ANKS1B: variants seen among roughly 807,000 people sequenced by gnomAD.
The protein encoded by ANKS1B is ankyrin repeat and sterile alpha motif domain-containing protein 1B.
In ANKS1B, 36 loss-of-function variants were observed where a neutral mutation model predicts 148.3. The ratio of observed to expected loss-of-function variants is 0.24; its 90% CI spans 0.19 to 0.32. ANKS1B has a LOEUF of 0.32. Among genes scored for constraint, ANKS1B ranks in the 10% least tolerant of loss-of-function variants. The probability of loss-of-function intolerance (pLI) is 1.00; values close to 1 mark genes in which losing one functional copy is unlikely to be tolerated. For missense variants in ANKS1B, 1,157 were observed against 1,542.6 expected, an observed-to-expected ratio of 0.75 and a Z score of 4.19; for synonymous variants, 542 against 560.8, an observed-to-expected ratio of 0.97 and a Z score of 0.47.
chr12:99,515,720 G>A (rs2096812243), intron 9 of ANKS1B, among the ~76,000 whole-genome samples: 1 of 152,070 alleles, frequency 6.6e-6, no homozygotes, highest in South Asian at 2.1e-4. Flanking sequence ...TGAATTACAT[G>A]ATAGCTCCCT....
At chr12:99,620,889 G>A (rs1026363620) in intron 9 of ANKS1B, among the ~76,000 whole-genome samples, 1 of 152,050 alleles carries the variant, frequency 6.6e-6, no homozygotes, top group Non-Finnish European at 1.5e-5. Context: ...TAGACATCTG[G>A]ATAGAAGAAA....
In ANKS1B at chr12:99,443,823, T is replaced by C; in HGVS notation, c.1439-14A>G. 3 of 1,607,818 alleles carry C rather than the reference T, an allele frequency of 1.9e-6. No individual in the cohort carries two copies. The highest frequency in any genetic ancestry group is 2.5e-6 in the Non-Finnish European group (3 of 1,176,840). ...CAGAGGCATTATCTGTGAATAAAAA[T>C]AGAACTGCCATGAACCTAATCACTC... On this transcript the variant is annotated splice_polypyrimidine_tract_variant and intron_variant, in intron 10 of 26. Coordinates refer to ENST00000683438, the MANE Select transcript of ANKS1B (RefSeq NM_001352186.2).
intron 1 of ANKS1B, among the ~76,000 whole-genome samples, chr12:99,874,604 C>T (rs2091888256): frequency 6.6e-6 from 1 of 152,196 alleles, no homozygotes; most frequent in African/African-American, 2.4e-5. Context: ...AAGTCTCTGA[C>T]ATCATCAACT....
chr12:98,859,289 T>C (rs2099587142), intron 17 of ANKS1B, among the ~76,000 whole-genome samples: 1 of 152,240 alleles, frequency 6.6e-6, no homozygotes, highest in Admixed American at 6.5e-5. Flanking sequence ...GAGAAATATT[T>C]TGAAACTTCT....
At chr12:99,831,468 A>G (rs1473872777) in intron 1 of ANKS1B, among the ~76,000 whole-genome samples, 1 of 146,844 alleles carries the variant, frequency 6.8e-6, no homozygotes, top group Non-Finnish European at 1.5e-5. Flanking sequence ...GAAATTAATT[A>G]ATAGTTTGTA....
At chr12:99,377,049 C>T (rs537829791) in intron 12 of ANKS1B, among the ~76,000 whole-genome samples, 1 of 151,930 alleles carries the variant, frequency 6.6e-6, no homozygotes, top group South Asian at 2.1e-4. Flanking sequence ...CGCTCTGTCG[C>T]CAGGCTGAAG....
At chr12:99,061,449 G>A (rs1208024597) in intron 16 of ANKS1B, among the ~76,000 whole-genome samples, 5 of 152,168 alleles carry the variant, frequency 3.3e-5, no homozygotes, top group African/African-American at 1.2e-4. Flanking sequence ...AGGGAGGATT[G>A]GAGATTCTGC....
intron 1 of ANKS1B, among the ~76,000 whole-genome samples, chr12:99,839,492 T>C (rs1357909979): frequency 1.3e-5 from 2 of 152,144 alleles, no homozygotes; most frequent in Non-Finnish European, 1.5e-5. Context: ...AAGTATTAAA[T>C]ATACTACGCA....
intron 17 of ANKS1B, among the ~76,000 whole-genome samples, chr12:98,832,573 CA>C (rs2099327765): frequency 1.3e-5 from 2 of 152,182 alleles, no homozygotes; most frequent in South Asian, 4.1e-4. Context: ...CATTCATTCT[CA>C]CCTTGGGGCC....
intron 17 of ANKS1B, among the ~76,000 whole-genome samples, chr12:98,972,111 T>C (rs1175082675): frequency 6.6e-6 from 1 of 152,206 alleles, no homozygotes; most frequent in Non-Finnish European, 1.5e-5. Context: ...GAGGTTGCAG[T>C]GAGCCAAGAT....
chr12:99,210,314 G>A (rs138247934), intron 14 of ANKS1B, among the ~76,000 whole-genome samples: 4 of 152,258 alleles, frequency 2.6e-5, no homozygotes, highest in African/African-American at 9.6e-5. Context: ...GTGCCCAGAT[G>A]CCAAAACAAG....
At chr12:98,935,340 A>C (rs1419339365) in intron 17 of ANKS1B, among the ~76,000 whole-genome samples, 1 of 152,196 alleles carries the variant, frequency 6.6e-6, no homozygotes, top group Non-Finnish European at 1.5e-5. Flanking sequence ...GTTATGGTGT[A>C]TGATCCTTTT....
chr12:99,592,262 G>A (rs1197819535), intron 9 of ANKS1B, among the ~76,000 whole-genome samples: 1 of 152,066 alleles, frequency 6.6e-6, no homozygotes, highest in African/African-American at 2.4e-5. Context: ...TATTTTGCCA[G>A]CTACAAACAT....
At position 99,389,730 on chromosome 12, in the gene ANKS1B, T is replaced by C. The variant is rs116496536; in HGVS notation, c.1756+9901A>G. ...AAAATTTCAGGTAACAAATCTGTTATATTTTCACGTGCATTAATAGAAGTT... is the reference window on the plus strand; with the variant it reads ...AAAATTTCAGGTAACAAATCTGTTACATTTTCACGTGCATTAATAGAAGTT... On this transcript the variant is annotated intron_variant, in intron 12 of 26. Coordinates refer to ENST00000683438, the MANE Select transcript of ANKS1B (RefSeq NM_001352186.2). 2.7e-3 allele frequency among the ~76,000 whole-genome samples: 405 copies of C among 152,340 alleles called. 4 individuals are homozygous for C. The highest frequency in any genetic ancestry group is 9.3e-3 in the African/African-American group (388 of 41,578).
intron 15 of ANKS1B, chr12:99,093,251 C>G (rs1257381600): frequency 6.6e-6 from 1 of 152,206 alleles, no homozygotes; most frequent in African/African-American, 2.4e-5. Context: ...GGTTAGTTCT[C>G]CTTCTAAACT....
rs912582311 is a variant in ANKS1B, at chr12:98,751,117, C to G, written c.3747+238G>C. 1.3e-5 allele frequency among the ~76,000 whole-genome samples: 2 copies of G among 152,142 alleles called. No homozygotes were observed. Among genetic ancestry groups the G allele is most frequent in the African/African-American group, 4.8e-5 (2 of 41,438 alleles). On this transcript the variant is annotated intron_variant, in intron 26 of 26. Coordinates refer to ENST00000683438, the MANE Select transcript of ANKS1B (RefSeq NM_001352186.2). The surrounding 1 kb of genome is among the most constrained non-coding windows in gnomAD (Gnocchi z 4.3). ...GCTGCTGAGACCCTTCATAGGGTTG[C>G]TGCAGGTGACTGAGAAAGTGGATTT...
chr12:99,953,312 T>C (rs2095259462), intron 1 of ANKS1B, among the ~76,000 whole-genome samples: 1 of 152,154 alleles, frequency 6.6e-6, no homozygotes, highest in Admixed American at 6.5e-5. Context: ...CAATCAATGA[T>C]ATCAAATGCT....
intron 17 of ANKS1B, among the ~76,000 whole-genome samples, chr12:99,019,762 C>T (rs1271344236): frequency 1.3e-5 from 2 of 152,086 alleles, no homozygotes; most frequent in Non-Finnish European, 2.9e-5. Context: ...TAAAAACAAT[C>T]TTTACAAATA....
intron 1 of ANKS1B, among the ~76,000 whole-genome samples, chr12:99,955,874 G>T (rs889293256): frequency 1.3e-5 from 2 of 152,076 alleles, no homozygotes; most frequent in Non-Finnish European, 2.9e-5. Flanking sequence ...TCTGTAATTA[G>T]ACTAATTACA....
Sources: gnomAD v4.1 joint callset for allele counts (sites outside exome capture counted in the v4.1 genomes callset) on GRCh38, gnomAD v4.1.1 for gene constraint, Gnocchi (gnomAD v3.1) non-coding constraint, MANE v1.5 for transcripts, NCBI Gene and HGNC (gene_info 2026-07-23, HGNC 2026-07-21) for gene names.